Variants in DGKK observed in about 807,000 individuals in gnomAD.
DGKK encodes the protein 142 kDa diacylglycerol kinase.
In DGKK, 35 loss-of-function variants were observed where a neutral mutation model predicts 92.2. The observed-to-expected ratio is 0.38, with a 90% CI of 0.29 to 0.50. The LOEUF (loss-of-function observed/expected upper bound fraction) is 0.50, where lower values mean the gene tolerates loss of function less well. DGKK is among the 20% of genes least tolerant of loss of function. The pLI is 0.92. For synonymous variants in DGKK, 368 were observed against 360.6 expected (o/e 1.02, Z -0.23); for missense variants, 910 against 992.2 (o/e 0.92, Z 1.11).
At chrX:50,455,367 T>C (rs1044868501) in intron 1 of DGKK, among the ~76,000 whole-genome samples, 2 of 112,351 alleles carry the variant, frequency 1.8e-5, no homozygotes, top group Non-Finnish European at 3.8e-5. Context: ...ACTGCTTTGT[T>C]GTTCATGTTA....
At chrX:50,427,706 C>A (rs1314588474) in intron 1 of DGKK, among the ~76,000 whole-genome samples, 1 of 108,606 alleles carries the variant, frequency 9.2e-6, no homozygotes, top group African/African-American at 3.3e-5. Context: ...ACATTCTTTA[C>A]TTTCCAATTT....
intron 1 of DGKK, among the ~76,000 whole-genome samples, chrX:50,445,121 C>CT (rs57163220): frequency 0.011 from 754 of 67,423 alleles, 14 homozygotes; most frequent in African/African-American, 0.018. Flanking sequence ...CCTTTGCCCA[C>CT]TTTTTTTTTT....
intron 15 of DGKK, among the ~76,000 whole-genome samples, chrX:50,385,697 C>A (rs1924527560): frequency 8.9e-6 from 1 of 111,985 alleles, no homozygotes; most frequent in African/African-American, 3.2e-5. Flanking sequence ...CTGCATGGGA[C>A]TTCTGCTCAG....
In DGKK at chrX:50,470,394, T is replaced by C. The variant is rs1344790999; in HGVS notation, c.285A>G (p.Pro95=). 2 of 1,206,838 alleles carry C rather than the reference T, an allele frequency of 1.7e-6. No individual in the cohort carries two copies. The highest frequency in any genetic ancestry group is 3.5e-5 in the African/African-American group (2 of 57,374). ...CTGGGGCCGGCTCTGTGGCAGGTTC[T>C]GGGGCCGGTTCTGAGGCCGGCTCTG... ...PATEPASEPA[P]EPATEPAPEP... Residue 95 remains proline (P), a synonymous_variant, in exon 1 of 28, where the codon CCA becomes CCG. Transcript: ENST00000611977.
At chrX:50,449,062 T>C (rs1334897944) in intron 1 of DGKK, among the ~76,000 whole-genome samples, 5 of 111,549 alleles carry the variant, frequency 4.5e-5, no homozygotes, top group African/African-American at 1.6e-4. Context: ...CACACTAGCT[T>C]GCACACATCA....
At chrX:50,462,522 T>A (rs1318703847) in intron 1 of DGKK, among the ~76,000 whole-genome samples, 1 of 108,809 alleles carries the variant, frequency 9.2e-6, no homozygotes, top group African/African-American at 3.3e-5. Flanking sequence ...ATTTCTTCCC[T>A]TTTCCTCAAA....
chrX:50,469,470 A>G (rs1245273672), intron 1 of DGKK, among the ~76,000 whole-genome samples: 1 of 112,329 alleles, frequency 8.9e-6, no homozygotes, highest in Non-Finnish European at 1.9e-5. Context: ...CACCAGGAGT[A>G]CCAGCTCGAA....
intron 4 of DGKK, among the ~76,000 whole-genome samples, chrX:50,407,842 C>A (rs1486973620): frequency 1.8e-5 from 2 of 112,430 alleles, no homozygotes; most frequent in East Asian, 5.6e-4. Flanking sequence ...TGTGGGACAC[C>A]TGGCTCCGAT....
intron 1 of DGKK, among the ~76,000 whole-genome samples, chrX:50,469,260 C>T (rs782603765): frequency 8.9e-6 from 1 of 112,145 alleles, no homozygotes; most frequent in South Asian, 3.8e-4. Flanking sequence ...TGTACCATTC[C>T]AATTGGCCCT....
rs1397221836 is a variant in DGKK, at chrX:50,447,395, TTA to T, written c.645+22637_645+22638del. Among the ~76,000 whole-genome samples, 71 of 16,099 alleles carry T rather than the reference TTA, an allele frequency of 4.4e-3. 1 individual carries two copies. The highest frequency in any genetic ancestry group is 0.014 in the Admixed American group (9 of 643). The allele number at this position is 16,099 out of a possible 115,157, so 14.0% of individuals were successfully genotyped here. ...TATATATATATATAATATATATATATTATATATATATATAATATATATATATA... is the reference window on the plus strand; with the variant it reads ...TATATATATATATAATATATATATATTATATATATATAATATATATATATA... On this transcript the variant is annotated intron_variant, in intron 1 of 27. Transcript: ENST00000611977.
intron 12 of DGKK, among the ~76,000 whole-genome samples, chrX:50,389,719 G>T (rs1557225342): frequency 9.0e-6 from 1 of 111,084 alleles, no homozygotes; most frequent in Non-Finnish European, 1.9e-5. Context: ...CTCCCTGAAT[G>T]CCCCCTTCCT....
intron 25 of DGKK, among the ~76,000 whole-genome samples, chrX:50,374,084 A>G (rs1924208481): frequency 8.9e-6 from 1 of 112,047 alleles, no homozygotes; most frequent in Non-Finnish European, 1.9e-5. Flanking sequence ...TATGGGTTGA[A>G]TTGTGTCCCC....
At chrX:50,461,386 C>T (rs1926741320) in intron 1 of DGKK, among the ~76,000 whole-genome samples, 1 of 112,118 alleles carries the variant, frequency 8.9e-6, no homozygotes, top group Non-Finnish European at 1.9e-5. Context: ...AGACTATAAG[C>T]AAATATTCAG....
intron 4 of DGKK, among the ~76,000 whole-genome samples, chrX:50,405,527 G>GGA (rs781903574): frequency 0.02 from 1,967 of 100,674 alleles, 29 homozygotes; most frequent in South Asian, 0.064. Context: ...GACAGTGGGG[G>GGA]GAGAGAGAGA....
rs1924654833 is a variant in DGKK at position 50,390,358 on chromosome X, T to C, written c.1896A>G (p.Gly632=). 1.7e-6 allele frequency: 2 copies of C among 1,211,534 alleles called. No individual in the cohort carries two copies. Among genetic ancestry groups the C allele is most frequent in the East Asian group, 5.9e-5 (2 of 33,847 alleles). The stretch of plus-strand genomic sequence containing the variant: ...ATCGTGGTACATCCATTTCAACCTG[T>C]CCTTTTAGCAGCGGGGTTTGTCTGG... ...ETPRQTPLLK[G]QVEMDVPRFE... Residue 632 remains glycine (G), a synonymous_variant, in exon 12 of 28, where the codon GGA becomes GGG. Transcript: ENST00000611977.
chrX:50,391,410 C>A (rs1336597950), intron 11 of DGKK, 27 bp downstream of exon 11: 5 of 1,206,824 alleles, frequency 4.1e-6, no homozygotes, highest in Non-Finnish European at 4.5e-6. Flanking sequence ...GGAAGAGGCA[C>A]AAGGGCCTGG....
At chrX:50,443,245 A>G (rs1926209107) in intron 1 of DGKK, among the ~76,000 whole-genome samples, 3 of 110,448 alleles carry the variant, frequency 2.7e-5, no homozygotes, top group Admixed American at 9.7e-5. Context: ...ACAACACACC[A>G]ACAATTCTAC....
chrX:50,373,056 G>A (rs1227375402), intron 25 of DGKK, among the ~76,000 whole-genome samples: 13 of 111,781 alleles, frequency 1.2e-4, no homozygotes, highest in African/African-American at 2.9e-4. Context: ...AGTCAGTGCC[G>A]ACAAATAATG....
intron 11 of DGKK, among the ~76,000 whole-genome samples, chrX:50,391,187 G>A (rs1480659805): frequency 9.0e-6 from 1 of 110,820 alleles, no homozygotes; most frequent in Non-Finnish European, 1.9e-5. Flanking sequence ...GCATGATCAT[G>A]GCCCACTGCA....
Sources: allele counts gnomAD v4.1 joint callset (sites outside exome capture counted in the v4.1 genomes callset), GRCh38; gene constraint gnomAD v4.1.1; transcripts MANE v1.5; gene names NCBI Gene and HGNC (gene_info 2026-07-23, HGNC 2026-07-21).